Variants in SEPHS1 observed in about 807,000 individuals in gnomAD.
SEPHS1 encodes zincore component SEPHS1.
Under a neutral mutation model 39.2 loss-of-function variants are expected in SEPHS1, and 7 were observed. That is an observed-to-expected ratio of 0.18 (90% CI 0.10 to 0.34). The LOEUF is 0.34. Among genes scored for constraint, SEPHS1 ranks in the 10% least tolerant of loss-of-function variants. The pLI, the probability that SEPHS1 is intolerant of heterozygous loss-of-function variation, is 1.00. For missense variants in SEPHS1, 253 were observed against 514.5 expected, an observed-to-expected ratio of 0.49 and a Z score of 4.92; for synonymous variants, 190 against 195.5, an observed-to-expected ratio of 0.97 and a Z score of 0.23.
rs537547970 is a variant in SEPHS1, at chr10:13,337,712, G to A, written c.297+993C>T. Among the ~76,000 whole-genome samples, 3 of 152,290 alleles carry A rather than the reference G, an allele frequency of 2.0e-5. No homozygotes were observed. The South Asian group carries it at 6.2e-4, about 32-fold the overall frequency. ...GGGTGCTCTCATTTTAGGAGATGCT[G>A]GAAAACAATGGACTGTGGTTTTAGC... On this transcript the variant is annotated intron_variant, in intron 3 of 8. Coordinates refer to ENST00000327347, the MANE Select transcript of SEPHS1 (RefSeq NM_012247.5).
chr10:13,326,367 G>C (rs1429469278), intron 7 of SEPHS1, among the ~76,000 whole-genome samples: 1 of 151,944 alleles, frequency 6.6e-6, no homozygotes, highest in African/African-American at 2.4e-5. Flanking sequence ...CCAGCTACTT[G>C]GGAGGCTGTG....
intron 2 of SEPHS1, among the ~76,000 whole-genome samples, chr10:13,343,000 G>C (rs1469887306): frequency 6.6e-6 from 1 of 152,124 alleles, no homozygotes; most frequent in African/African-American, 2.4e-5. Context: ...CTCCCAAAGT[G>C]CTGGGATTAC....
intron 2 of SEPHS1, 26 bp from the exon 3 acceptor site, chr10:13,338,834 C>G: frequency 6.5e-7 from 1 of 1,542,792 alleles, no homozygotes; most frequent in Non-Finnish European, 9.0e-7. Context: ...TCATTAGCAT[C>G]CAAAAATAAA....
chr10:13,332,484 T>C (rs144700361), intron 5 of SEPHS1, among the ~76,000 whole-genome samples: 222 of 152,306 alleles, frequency 1.5e-3, no homozygotes, highest in African/African-American at 5.0e-3. Flanking sequence ...ACACATTGTG[T>C]ACTTCAAAAT....
chr10:13,343,886 G>A (rs1276378311), intron 2 of SEPHS1, among the ~76,000 whole-genome samples: 2 of 151,976 alleles, frequency 1.3e-5, no homozygotes, highest in East Asian at 1.9e-4. Flanking sequence ...ACTATGCGTC[G>A]AACACAAGAA....
At chr10:13,339,105 A>G (rs1833719633) in intron 2 of SEPHS1, among the ~76,000 whole-genome samples, 1 of 152,146 alleles carries the variant, frequency 6.6e-6, no homozygotes, top group Non-Finnish European at 1.5e-5. Context: ...GACTTTTATT[A>G]TTTTACTGTA....
At chr10:13,327,480 G>A (rs1833338789) in intron 7 of SEPHS1, among the ~76,000 whole-genome samples, 1 of 152,122 alleles carries the variant, frequency 6.6e-6, no homozygotes, top group Non-Finnish European at 1.5e-5. Flanking sequence ...AGGGACTATG[G>A]ACAACTTTTT....
intron 1 of SEPHS1, among the ~76,000 whole-genome samples, chr10:13,346,724 A>G (rs920467530): frequency 6.6e-6 from 1 of 152,154 alleles, no homozygotes; most frequent in Admixed American, 6.5e-5. Context: ...CCAGGAAAAA[A>G]AAAAGAAAAA....
chr10:13,338,167 C>T lies in SEPHS1; in HGVS notation c.297+538G>A, dbSNP rs148164607. Among the ~76,000 whole-genome samples the T allele has an allele frequency of 1.2e-4, 19 of 152,280 alleles. No individual in the cohort carries two copies. The East Asian group carries it at 2.7e-3, about 22-fold the overall frequency. ...GTGGTCAGAAACCTACTATGTACAGCGGCACATCACACGGTGGTGGGTGTG... is the reference window on the plus strand; with the variant it reads ...GTGGTCAGAAACCTACTATGTACAGTGGCACATCACACGGTGGTGGGTGTG... On this transcript the variant is annotated intron_variant, in intron 3 of 8. Transcript: ENST00000327347.
At chr10:13,334,030 G>A (rs1363100101) in intron 4 of SEPHS1, 59 bp from the exon 5 acceptor site, 5 of 1,476,140 alleles carry the variant, frequency 3.4e-6, no homozygotes, top group Middle Eastern at 1.8e-4. Context: ...ACCCAGAAAA[G>A]AAGGTTTTTA....
At chr10:13,320,271 T>C (rs1208053535) in intron 8 of SEPHS1, among the ~76,000 whole-genome samples, 5 of 150,754 alleles carry the variant, frequency 3.3e-5, no homozygotes, top group Non-Finnish European at 5.9e-5. Context: ...AAGCTCCACC[T>C]CCCGGGTTCA....
chr10:13,341,748 G>C (rs1056646735), intron 2 of SEPHS1, among the ~76,000 whole-genome samples: 16 of 147,894 alleles, frequency 1.1e-4, no homozygotes, highest in African/African-American at 4.0e-4. Context: ...CTTAGAGTCA[G>C]GAGTTCCAGA....
chr10:13,344,187 T>C (rs1454147421), intron 2 of SEPHS1, among the ~76,000 whole-genome samples: 1 of 152,100 alleles, frequency 6.6e-6, no homozygotes, highest in Non-Finnish European at 1.5e-5. Context: ...CCTGACACAG[T>C]CACTGCCATC....
intron 2 of SEPHS1, among the ~76,000 whole-genome samples, chr10:13,343,719 C>T (rs1401676381): frequency 1.3e-5 from 2 of 152,026 alleles, no homozygotes; most frequent in Non-Finnish European, 2.9e-5. Flanking sequence ...GAGGCTGAGG[C>T]AGAAGAATCG....
intron 8 of SEPHS1, 125 bp from the exon 9 acceptor site, chr10:13,319,481 C>T: frequency 1.1e-6 from 1 of 951,626 alleles, no homozygotes; most frequent in Non-Finnish European, 1.6e-6. Flanking sequence ...AGTAGCTCTT[C>T]CCATTCAACT....
At chr10:13,321,973 C>T (rs72781398) in intron 8 of SEPHS1, 15,748 of 440,880 alleles carry the variant, frequency 0.036, 400 homozygotes, top group Admixed American at 0.069. Context: ...TGGTGTCAGA[C>T]CTGCACTGCT....
intron 6 of SEPHS1, 62 bp downstream of exon 6, chr10:13,329,636 A>G (rs1237208429): frequency 1.5e-6 from 2 of 1,322,870 alleles, no homozygotes; most frequent in African/African-American, 1.5e-5. Context: ...CAAATCCTCC[A>G]ACAAAAATTA....
At chr10:13,323,107 C>T (rs1278125459) in intron 7 of SEPHS1, 60 bp from the exon 8 acceptor site, 25 of 1,370,796 alleles carry the variant, frequency 1.8e-5, no homozygotes, top group Admixed American at 1.5e-4. Flanking sequence ...AAAAATCTTA[C>T]GTCCACAATT....
In SEPHS1 at chr10:13,342,481, G is replaced by A. The variant is rs183822499; in HGVS notation, c.193+2277C>T. ...CGCCTGTAGTCCCAGCTACTTGGGA[G>A]GCAGAGGCAGGAGATCACTGCTTGA... is the stretch of plus-strand genomic sequence containing the variant. On this transcript the variant is annotated intron_variant, in intron 2 of 8. Transcript: ENST00000327347. Among the ~76,000 whole-genome samples the A allele has an allele frequency of 1.3e-4, 20 of 151,848 alleles. No homozygotes were observed. In the East Asian group the frequency reaches 3.7e-3, roughly 28 times the overall value.
Sources: allele counts gnomAD v4.1 joint callset (sites outside exome capture counted in the v4.1 genomes callset), GRCh38; gene constraint gnomAD v4.1.1; transcripts MANE v1.5; gene names NCBI Gene and HGNC (gene_info 2026-07-23, HGNC 2026-07-21).